The following EYS variants were observed in gnomAD, a reference collection of about 807,000 sequenced individuals.
EYS encodes EGF-like photoreceptor maintenance factor.
Under a neutral mutation model 282.1 loss-of-function variants are expected in EYS, and 250 were observed. The ratio of observed to expected loss-of-function variants is 0.89; its 90% CI spans 0.80 to 0.98. The LOEUF is 0.98. Ranked by LOEUF, EYS falls within the 50% of genes least tolerant of loss-of-function variation. The probability of loss-of-function intolerance (pLI) is 0.00; values close to 1 mark genes in which losing one functional copy is unlikely to be tolerated. For synonymous variants in EYS, 1,355 were observed against 1,282.9 expected (o/e 1.06, Z -1.20); for missense variants, 4,016 against 3,709.0 (o/e 1.08, Z -2.15).
intron 31 of EYS, among the ~76,000 whole-genome samples, chr6:64,205,844 C>CATAT (rs1554218574): frequency 2.2e-5 from 3 of 138,386 alleles, no homozygotes; most frequent in African/African-American, 8.0e-5. Context: ...CACACACACA[C>CATAT]ATATATATAT....
intron 12 of EYS, among the ~76,000 whole-genome samples, chr6:65,083,610 C>T (rs1175538809): frequency 1.3e-5 from 2 of 151,762 alleles, no homozygotes; most frequent in African/African-American, 2.4e-5. Context: ...GTTACTTTTT[C>T]AACCCTGTTT....
At chr6:64,344,669 A>G (rs1348519965) in intron 29 of EYS, among the ~76,000 whole-genome samples, 1 of 152,160 alleles carries the variant, frequency 6.6e-6, no homozygotes, top group East Asian at 1.9e-4. Flanking sequence ...CACCACTCCT[A>G]TTCAACATAG....
chr6:65,334,496 T>C (rs367562867), intron 11 of EYS, among the ~76,000 whole-genome samples: 37 of 151,872 alleles, frequency 2.4e-4, no homozygotes, highest in African/African-American at 8.2e-4. Context: ...TCTCAAACTC[T>C]TGGCCTCAAG....
At chr6:63,872,271 C>T (rs974613478) in intron 35 of EYS, among the ~76,000 whole-genome samples, 3 of 151,950 alleles carry the variant, frequency 2.0e-5, no homozygotes, top group African/African-American at 7.3e-5. Context: ...TTTTCTGTCA[C>T]TCAATGGCCA....
At chr6:65,142,682 C>T (rs1013439238) in intron 12 of EYS, among the ~76,000 whole-genome samples, 2 of 151,408 alleles carry the variant, frequency 1.3e-5, no homozygotes, top group African/African-American at 4.8e-5. Flanking sequence ...TAATAAAGGA[C>T]ATTAGTTATA....
At chr6:63,969,164 G>A (rs1374219751) in intron 35 of EYS, among the ~76,000 whole-genome samples, 1 of 152,082 alleles carries the variant, frequency 6.6e-6, no homozygotes, top group East Asian at 1.9e-4. Flanking sequence ...TAAGCTTCTT[G>A]AGTATAAGGT....
intron 22 of EYS, among the ~76,000 whole-genome samples, chr6:64,789,536 T>C (rs1774121761): frequency 6.6e-6 from 1 of 152,162 alleles, no homozygotes; most frequent in Non-Finnish European, 1.5e-5. Flanking sequence ...TTTCTTTATA[T>C]TTTTAATACC....
chr6:65,170,218 G>A (rs12209233), intron 12 of EYS, among the ~76,000 whole-genome samples: 6,467 of 150,770 alleles, frequency 0.043, 198 homozygotes, highest in Middle Eastern at 0.066. Flanking sequence ...GCACACACGC[G>A]CGCGTGCACG....
At chr6:64,945,027 A>C (rs545650885) in intron 15 of EYS, among the ~76,000 whole-genome samples, 2 of 151,892 alleles carry the variant, frequency 1.3e-5, no homozygotes, top group Non-Finnish European at 2.9e-5. Flanking sequence ...TGAAATAATG[A>C]AGATAATAAT....
At chr6:64,749,279 A>C (rs1772665072) in intron 22 of EYS, among the ~76,000 whole-genome samples, 1 of 152,300 alleles carries the variant, frequency 6.6e-6, no homozygotes, top group Middle Eastern at 3.4e-3. Flanking sequence ...CCTTTTGTAC[A>C]CCATTTGATC....
At chr6:64,875,162 GT>G (rs1766706767) in intron 19 of EYS, among the ~76,000 whole-genome samples, 1 of 151,988 alleles carries the variant, frequency 6.6e-6, no homozygotes, top group Non-Finnish European at 1.5e-5. Flanking sequence ...CAAGAAGCCA[GT>G]TGTGTATATT....
intron 13 of EYS, among the ~76,000 whole-genome samples, chr6:65,014,906 G>A (rs1319202770): frequency 6.6e-6 from 1 of 152,098 alleles, no homozygotes; most frequent in Non-Finnish European, 1.5e-5. Context: ...ATCTGGGTAG[G>A]CCCTAACTAT....
chr6:64,096,323 C>G (rs1360941946), intron 31 of EYS, among the ~76,000 whole-genome samples: 1 of 152,176 alleles, frequency 6.6e-6, no homozygotes, highest in African/African-American at 2.4e-5. Context: ...GGAAGTTCTC[C>G]TGGATAATAT....
chr6:63,880,602 A>G (rs911182770), intron 35 of EYS, among the ~76,000 whole-genome samples: 1 of 151,554 alleles, frequency 6.6e-6, no homozygotes, highest in Admixed American at 6.6e-5. Context: ...TGAGACTGAG[A>G]CACAAAGATC....
chr6:65,112,866 T>G (rs6455026), intron 12 of EYS, among the ~76,000 whole-genome samples: 39,833 of 152,004 alleles, frequency 0.26, 6,408 homozygotes, highest in African/African-American at 0.45. Flanking sequence ...ACAGTTGCCC[T>G]TCATAAAATA....
intron 12 of EYS, among the ~76,000 whole-genome samples, chr6:65,116,073 A>G (rs992411943): frequency 1.3e-5 from 2 of 152,136 alleles, no homozygotes; most frequent in African/African-American, 4.8e-5. Flanking sequence ...ATTAGATAGT[A>G]GACAACACTA....
intron 29 of EYS, among the ~76,000 whole-genome samples, chr6:64,351,757 T>C (rs1771649122): frequency 6.6e-6 from 1 of 151,530 alleles, no homozygotes; most frequent in Non-Finnish European, 1.5e-5. Flanking sequence ...ATTTTCCTTC[T>C]GAAAAGCAGT....
At chr6:65,379,647 T>C (rs1765534880) in intron 8 of EYS, among the ~76,000 whole-genome samples, 1 of 151,790 alleles carries the variant, frequency 6.6e-6, no homozygotes, top group South Asian at 2.1e-4. Context: ...AAATAAAGGG[T>C]ATTCAAATAG....
chr6:64,290,450 T>G (rs1215280071), intron 30 of EYS, among the ~76,000 whole-genome samples: 1 of 152,166 alleles, frequency 6.6e-6, no homozygotes, highest in Non-Finnish European at 1.5e-5. Flanking sequence ...TCCTGACACC[T>G]TAGGTAGGTT....
Sources: gnomAD v4.1 joint callset for allele counts (sites outside exome capture counted in the v4.1 genomes callset) on GRCh38, gnomAD v4.1.1 for gene constraint, MANE v1.5 for transcripts, NCBI Gene and HGNC (gene_info 2026-07-23, HGNC 2026-07-21) for gene names.